Variants in YTHDF1 observed in about 807,000 individuals in gnomAD.
YTHDF1 encodes the protein YTH domain-containing family protein 1.
YTHDF1 carries 16 observed loss-of-function variants against 49.1 expected under a neutral mutation model. The observed-to-expected ratio is 0.33, with a 90% CI of 0.22 to 0.49. The LOEUF (loss-of-function observed/expected upper bound fraction) is 0.49, where lower values mean the gene tolerates loss of function less well. YTHDF1 is among the 20% of genes least tolerant of loss of function. The probability of loss-of-function intolerance (pLI) is 0.99; values close to 1 mark genes in which losing one functional copy is unlikely to be tolerated. For synonymous variants in YTHDF1, 313 were observed against 290.1 expected (o/e 1.08, Z -0.80); for missense variants, 621 against 744.3 (o/e 0.83, Z 1.93).
chr20:63,201,206 C>T (rs1428997449), intron 4 of YTHDF1, among the ~76,000 whole-genome samples: 1 of 152,166 alleles, frequency 6.6e-6, no homozygotes, highest in Non-Finnish European at 1.5e-5. Context: ...TAATGTAAGA[C>T]TGCAGACAGT....
At chr20:63,208,951 T>C (rs1342143103) in intron 3 of YTHDF1, among the ~76,000 whole-genome samples, 1 of 152,232 alleles carries the variant, frequency 6.6e-6, no homozygotes, top group Non-Finnish European at 1.5e-5. Flanking sequence ...CAGAGACGTG[T>C]GAGCATGGAG....
intron 4 of YTHDF1, among the ~76,000 whole-genome samples, chr20:63,198,901 G>A (rs185612528): frequency 7.9e-5 from 12 of 152,320 alleles, no homozygotes; most frequent in African/African-American, 1.9e-4. Context: ...AGAAGTGGCC[G>A]TTTCTAGGTT....
chr20:63,203,591 G>A lies in YTHDF1; in HGVS notation c.349C>T (p.Gln117Ter). ...QPGGLGNNIY[Q>*]HRFNFFPENP... Reference sequence around the variant, plus strand: ...TCAGGGAAAAAATTGAACCTGTGCTGATAGATGTTGTTCCCCAGGCCCCCA... The same window carrying A: ...TCAGGGAAAAAATTGAACCTGTGCTAATAGATGTTGTTCCCCAGGCCCCCA... Residue 117 changes from glutamine to a stop codon, truncating the protein, a stop_gained, in exon 4 of 5, where the codon CAG becomes TAG. Coordinates refer to ENST00000370339, the MANE Select transcript of YTHDF1 (RefSeq NM_017798.4). LOFTEE classifies it high-confidence loss of function. This position sits in a 1 kb window ranked among gnomAD's most constrained non-coding sequence, Gnocchi z 4.4. 1 of 1,614,174 alleles carries A rather than the reference G, an allele frequency of 6.2e-7. No homozygotes were observed. The highest frequency in any genetic ancestry group is 8.5e-7 in the Non-Finnish European group (1 of 1,180,034).
At position 63,202,856 on chromosome 20, in the gene YTHDF1, C is replaced by T. The variant is rs1211999961; in HGVS notation, c.1084G>A (p.Val362Ile). The change falls in exon 4 of 5, where the codon GTC (valine) becomes ATC (isoleucine). Residue 362 changes from valine (V) to isoleucine (I), a missense_variant. Val to Ile is a conservative substitution (Grantham distance 29, BLOSUM62 3). This residue lies in a region of YTHDF1 where 470 missense variants were observed against 495.8 expected (regional missense o/e 0.95). Coordinates refer to ENST00000370339, the MANE Select transcript of YTHDF1 (RefSeq NM_017798.4). ...GNVQPNSAPS[V>I]ESHPVLEKLK... ...TTTTCAAGGACGGGGTGGGATTCGA[C>T]GCTGGGGGCAGAATTAGGCTGGACG... is the stretch of plus-strand genomic sequence containing the variant. The T allele has an allele frequency of 1.9e-6, 3 of 1,613,758 alleles. No individual in the cohort carries two copies. The highest frequency in any genetic ancestry group is 1.3e-5 in the African/African-American group (1 of 74,958).
Position 63,203,355 on chromosome 20 carries a change from G to A in YTHDF1, c.585C>T (p.Val195=), listed in dbSNP as rs115419512. The A allele has an allele frequency of 3.1e-3, 4,961 of 1,613,098 alleles. 141 individuals are homozygous for A. In the African/African-American group the frequency reaches 0.058, roughly 19 times the overall value. The part of the protein sequence containing the change: ...QGMVGLKIGD[V]SSSAVKTVGS... ...CCACCGTCTTGACGGCGGAGGAGCTGACGTCCCCAATCTTCAGGCCAACCA... is the reference window on the plus strand; with the variant it reads ...CCACCGTCTTGACGGCGGAGGAGCTAACGTCCCCAATCTTCAGGCCAACCA... Residue 195 remains valine, a synonymous_variant, in exon 4 of 5, where the codon GTC becomes GTT. Coordinates refer to ENST00000370339, the MANE Select transcript of YTHDF1 (RefSeq NM_017798.4). This position sits in a 1 kb window ranked among gnomAD's most constrained non-coding sequence, Gnocchi z 4.4.
At chr20:63,207,702 C>T (rs955047854) in intron 3 of YTHDF1, among the ~76,000 whole-genome samples, 2 of 151,956 alleles carry the variant, frequency 1.3e-5, no homozygotes, top group African/African-American at 2.4e-5. Context: ...ACGACCTCAT[C>T]GAAGAAAGGC....
chr20:63,215,914 G>C lies in YTHDF1; in HGVS notation c.-22C>G, dbSNP rs2066600061. 7.2e-7 allele frequency: 1 copy of C among 1,382,774 alleles called. No individual in the cohort carries two copies. The highest frequency in any genetic ancestry group is 9.4e-7 in the Non-Finnish European group (1 of 1,062,390). The allele number at this position is 1,382,774 out of a possible 1,614,324, so 85.7% of individuals were successfully genotyped here. A position where few individuals can be genotyped will look rare whatever the true frequency, so the allele number is the denominator to read the frequency against. ...ACATGCTTCATGAACAACTAGACGC[G>C]GGGCCGGGGCGCCCGCCGGCTCGGG... On this transcript the variant is annotated 5_prime_UTR_variant, in exon 1 of 5. Transcript: ENST00000370339.
Position 63,202,599 on chromosome 20 carries a change from A to C in YTHDF1, c.1341T>G (p.Cys447Trp). 6.2e-7 allele frequency: 1 copy of C among 1,614,116 alleles called. No homozygotes were observed. Among genetic ancestry groups the C allele is most frequent in the Non-Finnish European group, 8.5e-7 (1 of 1,180,036 alleles). The change falls in exon 4 of 5, where the codon TGT becomes TGG. Residue 447 changes from cysteine (C) to tryptophan (W), a missense_variant. Physicochemically the swap from Cys to Trp is radical, Grantham distance 215. This residue lies in a region of YTHDF1 where 151 missense variants were observed against 248.5 expected (regional missense o/e 0.61). Coordinates refer to ENST00000370339, the MANE Select transcript of YTHDF1 (RefSeq NM_017798.4). ...LFSVNGSGHF[C>W]GVAEMKSPVD... The stretch of plus-strand genomic sequence containing the variant: ...CGGGGGACTTCATCTCGGCCACCCC[A>C]CAAAAATGCCCACTCCCATTGACGC...
chr20:63,213,487 A>G (rs535693935), intron 3 of YTHDF1, among the ~76,000 whole-genome samples: 14 of 152,324 alleles, frequency 9.2e-5, no homozygotes, highest in African/African-American at 3.1e-4. Context: ...TCCACAGCCC[A>G]GCTCTTAGCT....
At chr20:63,215,005 T>C (rs1436452036) in intron 2 of YTHDF1, among the ~76,000 whole-genome samples, 1 of 152,188 alleles carries the variant, frequency 6.6e-6, no homozygotes, top group African/African-American at 2.4e-5. Context: ...GCTGGGCCTT[T>C]TCCAATCTTA....
At position 63,215,486 on chromosome 20, in the gene YTHDF1, A is replaced by G. The variant is rs868599367; in HGVS notation, c.52+91T>C. The G allele has an allele frequency of 7.0e-6, 11 of 1,564,250 alleles. No homozygotes were observed. The South Asian group carries it at 7.9e-5, about 11-fold the overall frequency. On this transcript the variant is annotated intron_variant, in intron 2 of 4. Coordinates refer to ENST00000370339, the MANE Select transcript of YTHDF1 (RefSeq NM_017798.4). ...TCCCTGAAGCTGGCGGAAGAGAGAA[A>G]GTTTCCGGTTCCAGACGCAGCTTCC...
intron 3 of YTHDF1, among the ~76,000 whole-genome samples, chr20:63,210,312 C>A (rs1345039719): frequency 6.6e-6 from 1 of 152,190 alleles, no homozygotes; most frequent in African/African-American, 2.4e-5. Context: ...GTCTGTTGGT[C>A]AGGGAGTGTG....
intron 3 of YTHDF1, among the ~76,000 whole-genome samples, chr20:63,207,070 G>A (rs770806411): frequency 5.3e-5 from 8 of 152,230 alleles, no homozygotes; most frequent in Non-Finnish European, 8.8e-5. Context: ...GCGCTCACTC[G>A]CTGCCAAGTG....
intron 3 of YTHDF1, among the ~76,000 whole-genome samples, chr20:63,207,110 A>AT (rs2066550311): frequency 6.6e-6 from 1 of 152,192 alleles, no homozygotes; most frequent in Non-Finnish European, 1.5e-5. Flanking sequence ...CTCCCTCAAC[A>AT]TTCCTTAGTG....
At chr20:63,216,118 GCGGCGGCGGCGACAGCAGCGGCGA>G (rs1274272743) in exon 1 of YTHDF1, 120 of 172,846 alleles carry the variant, frequency 6.9e-4, no homozygotes, top group East Asian at 1.3e-3. Context: ...TCCAATGGCG[GCGGCGGCGGCGACAGCAGCGGCGA>G]CGGCGGCGGC....
chr20:63,213,986 G>C lies in YTHDF1; in HGVS notation c.53-43C>G, dbSNP rs527301212. 1.0e-4 allele frequency: 163 copies of C among 1,558,914 alleles called. 1 individual carries two copies. The South Asian group carries it at 1.9e-3, about 18-fold the overall frequency. ...AAAATATTACCCTCAAATTTTAAAA[G>C]ATTACTTTTAAGCTTGGAAGGCAAA... On this transcript the variant is annotated intron_variant, in intron 2 of 4. Transcript: ENST00000370339.
rs757315844 is a variant in YTHDF1, at chr20:63,215,570, C to T, written c.52+7G>A. ...GCCCGCGCCGGCCGTCCCGGGACTC[C>T]GCTCACCTTTATTATCTTGTCCTTT... On this transcript the variant is annotated splice_region_variant and intron_variant, in intron 2 of 4. Coordinates refer to ENST00000370339, the MANE Select transcript of YTHDF1 (RefSeq NM_017798.4). 1 of 1,613,628 alleles carries T rather than the reference C, an allele frequency of 6.2e-7. No homozygotes were observed.
At chr20:63,199,864 G>A (rs2066509728) in intron 4 of YTHDF1, among the ~76,000 whole-genome samples, 1 of 152,148 alleles carries the variant, frequency 6.6e-6, no homozygotes, top group Non-Finnish European at 1.5e-5. Context: ...TTCAAGACCA[G>A]CCTGGGCAAC....
Position 63,216,006 on chromosome 20 carries a change from G to A in YTHDF1, c.-114C>T. 1 of 983,500 alleles carries A rather than the reference G, an allele frequency of 1.0e-6. No homozygotes were observed. The allele number at this position is 983,500 out of a possible 1,614,324, so 60.9% of individuals were successfully genotyped here. ...CCCGGGCCCCGCCGCCAATTCCCCG[G>A]GCGCCGGCCGGGCGGCGGCGGCGGC... On this transcript the variant is annotated 5_prime_UTR_variant, in exon 1 of 5. Transcript: ENST00000370339.
Sources: gnomAD v4.1 joint callset for allele counts (sites outside exome capture counted in the v4.1 genomes callset) on GRCh38, gnomAD v4.1.1 for gene constraint, gnomAD v4.1.1 regional missense constraint, Gnocchi (gnomAD v3.1) non-coding constraint, MANE v1.5 for transcripts, NCBI Gene and HGNC (gene_info 2026-07-23, HGNC 2026-07-21) for gene names.